Variants in NLGN4Y observed in about 807,000 individuals in gnomAD.
The protein encoded by NLGN4Y is neuroligin-4, Y-linked.
NLGN4Y carries 4 observed loss-of-function variants against 8.4 expected under a neutral mutation model. That is an observed-to-expected ratio of 0.48 (90% CI 0.23 to 1.09). NLGN4Y has a LOEUF of 1.09. Ranked by LOEUF, NLGN4Y falls within the 50% of genes least tolerant of loss-of-function variation. The pLI is 0.19. For synonymous variants in NLGN4Y, 35 were observed against 75.6 expected, an observed-to-expected ratio of 0.46 and a Z score of 2.78; for missense variants, 90 against 192.3, an observed-to-expected ratio of 0.47 and a Z score of 3.15.
chrY:14,589,160 T>C, intron 1 of NLGN4Y, among the ~76,000 whole-genome samples: 3 of 32,993 alleles, frequency 9.1e-5, no homozygotes, highest in African/African-American at 3.6e-4. Flanking sequence ...ATCCTGCTAA[T>C]TGTAGAGCCG....
At chrY:14,676,260 G>A in intron 2 of NLGN4Y, among the ~76,000 whole-genome samples, 1 of 32,730 alleles carries the variant, frequency 3.1e-5, no homozygotes, top group Non-Finnish European at 7.5e-5. Flanking sequence ...TGTTGAAATA[G>A]GAATTTATAC....
rs761138740 is a variant in NLGN4Y, at chrY:14,684,102, G to A, written c.473-35357G>A. Among the ~76,000 whole-genome samples, 32 of 33,878 alleles carry A rather than the reference G, an allele frequency of 9.4e-4. No homozygotes were observed. In the East Asian group the frequency reaches 0.025, roughly 27 times the overall value. The allele number at this position is 33,878 out of a possible 37,273, so 90.9% of individuals were successfully genotyped here. A position where few individuals can be genotyped will look rare whatever the true frequency, so the allele number is the denominator to read the frequency against. ...GATACTAAATATCATATTGTAATTA[G>A]AGCTATACAGAGATTTAGCATGTAA... On this transcript the variant is annotated intron_variant, in intron 2 of 6. Transcript: ENST00000684976.
upstream of NLGN4Y, chrY:14,523,595 C>A (rs2150456056): frequency 8.4e-6 from 1 of 118,570 alleles, no homozygotes; most frequent in East Asian, 2.7e-4. Context: ...GGCTTTTCTT[C>A]TCTTTTCTCC....
chrY:14,736,580 A>C (rs773158073), intron 4 of NLGN4Y, among the ~76,000 whole-genome samples: 2 of 32,629 alleles, frequency 6.1e-5, no homozygotes, highest in Non-Finnish European at 1.5e-4. Flanking sequence ...TCCAAATCTC[A>C]TCTTGAATTA....
intron 2 of NLGN4Y, among the ~76,000 whole-genome samples, chrY:14,702,240 C>T: frequency 9.3e-5 from 3 of 32,292 alleles, no homozygotes; most frequent in African/African-American, 2.4e-4. Flanking sequence ...TATACATGTG[C>T]CATGTTGGTG....
chrY:14,661,604 C>A, intron 2 of NLGN4Y, among the ~76,000 whole-genome samples: 2 of 33,415 alleles, frequency 6.0e-5, no homozygotes, highest in African/African-American at 2.3e-4. Flanking sequence ...TGTCCCCATA[C>A]CACTTTCCCA....
intron 2 of NLGN4Y, among the ~76,000 whole-genome samples, chrY:14,699,495 G>A (rs909952656): frequency 6.0e-5 from 2 of 33,378 alleles, no homozygotes; most frequent in African/African-American, 2.3e-4. Flanking sequence ...ATGCCGCCAT[G>A]GCAGGGAATT....
At chrY:14,827,224 C>T in intron 5 of NLGN4Y, among the ~76,000 whole-genome samples, 1 of 33,619 alleles carries the variant, frequency 3.0e-5, no homozygotes, top group African/African-American at 1.2e-4. Flanking sequence ...TCTGATGAAC[C>T]ATTTGGCATA....
intron 4 of NLGN4Y, among the ~76,000 whole-genome samples, chrY:14,802,771 T>TATATTTCCATAATATGAA (rs2043040837): frequency 4.2e-5 from 1 of 23,530 alleles, no homozygotes; most frequent in African/African-American, 1.7e-4. Context: ...ATATATAAAA[T>TATATTTCCATAATATGAA]ATATTTCATA....
At chrY:14,701,172 C>A (rs2080846201) in intron 2 of NLGN4Y, among the ~76,000 whole-genome samples, 1 of 23,992 alleles carries the variant, frequency 4.2e-5, no homozygotes, top group South Asian at 1.6e-3. Flanking sequence ...GAAAGGAGGA[C>A]AATGCTAAGC....
intron 1 of NLGN4Y, among the ~76,000 whole-genome samples, chrY:14,559,915 A>G: frequency 3.0e-5 from 1 of 33,733 alleles, no homozygotes; most frequent in African/African-American, 1.2e-4. Context: ...GGCTAAAGTA[A>G]GTGTACTGCA....
chrY:14,576,443 A>G, intron 1 of NLGN4Y, among the ~76,000 whole-genome samples: 1 of 33,116 alleles, frequency 3.0e-5, no homozygotes, highest in South Asian at 6.8e-4. Context: ...TTGGAAATGC[A>G]CAGTATTAGG....
chrY:14,760,518 T>C (rs2081076616), intron 4 of NLGN4Y, among the ~76,000 whole-genome samples: 1 of 33,331 alleles, frequency 3.0e-5, no homozygotes, highest in Non-Finnish European at 7.4e-5. Context: ...CAATCTATGA[T>C]GTAATTGAAA....
intron 2 of NLGN4Y, among the ~76,000 whole-genome samples, chrY:14,680,489 T>C: frequency 3.0e-5 from 1 of 32,970 alleles, no homozygotes; most frequent in African/African-American, 1.2e-4. Flanking sequence ...TCAGTAAATA[T>C]AAGTATCCTA....
intron 2 of NLGN4Y, among the ~76,000 whole-genome samples, chrY:14,657,225 G>T (rs2080657158): frequency 1.3e-4 from 4 of 30,536 alleles, no homozygotes; most frequent in African/African-American, 3.8e-4. Context: ...ATTTTTTTTT[G>T]ACTAAAGCCC....
At chrY:14,796,295 G>A in intron 4 of NLGN4Y, among the ~76,000 whole-genome samples, 2 of 32,942 alleles carry the variant, frequency 6.1e-5, no homozygotes, top group African/African-American at 1.2e-4. Context: ...CCTTAAAAAA[G>A]GAGTAAATAA....
chrY:14,803,892 G>A (rs2043047811), intron 4 of NLGN4Y: 2 of 32,914 alleles, frequency 6.1e-5, no homozygotes, highest in African/African-American at 2.4e-4. Context: ...AACAACTATC[G>A]AATCCCCACT....
chrY:14,573,829 T>G, intron 1 of NLGN4Y, among the ~76,000 whole-genome samples: 4 of 33,748 alleles, frequency 1.2e-4, no homozygotes, highest in African/African-American at 2.3e-4. Flanking sequence ...AGAACATCTT[T>G]ATTTCTGCCT....
At chrY:14,530,408 G>A (rs2080106942) in intron 1 of NLGN4Y, among the ~76,000 whole-genome samples, 1 of 32,812 alleles carries the variant, frequency 3.0e-5, no homozygotes, top group East Asian at 7.9e-4. Flanking sequence ...ATTTAGGAGT[G>A]AATATATTCA....
Sources: gnomAD v4.1 joint callset for allele counts (sites outside exome capture counted in the v4.1 genomes callset) on GRCh38, gnomAD v4.1.1 for gene constraint, MANE v1.5 for transcripts, NCBI Gene and HGNC (gene_info 2026-07-23, HGNC 2026-07-21) for gene names.